Variants in ELMOD3 observed in about 807,000 individuals in gnomAD.
The protein encoded by ELMOD3 is ELMO domain-containing protein 3.
Under a neutral mutation model 47.4 loss-of-function variants are expected in ELMOD3, and 36 were observed. The observed-to-expected ratio is 0.76, with a 90% CI of 0.58 to 1.00. The LOEUF (loss-of-function observed/expected upper bound fraction) is 1.00. Ranked by LOEUF, ELMOD3 falls within the 50% of genes least tolerant of loss-of-function variation. The probability of loss-of-function intolerance (pLI) is 0.00; values close to 1 mark genes in which losing one functional copy is unlikely to be tolerated. For missense variants in ELMOD3, 404 were observed against 463.8 expected (o/e 0.87, Z 1.18); for synonymous variants, 149 against 183.5 (o/e 0.81, Z 1.52).
chr2:85,373,232 CACA>C (rs142206857), intron 10 of ELMOD3, among the ~76,000 whole-genome samples: 3,604 of 152,010 alleles, frequency 0.024, 143 homozygotes, highest in African/African-American at 0.082. Context: ...GCCTGAGTGA[CACA>C]ACAAGACTCT....
chr2:85,387,369 C>T (rs1401961888), intron 11 of ELMOD3: 2 of 472,172 alleles, frequency 4.2e-6, no homozygotes, highest in Non-Finnish European at 5.7e-6. Flanking sequence ...TTGACAAAAT[C>T]TGTCTCATAA....
At chr2:85,374,706 G>A (rs1685047172) in intron 10 of ELMOD3, among the ~76,000 whole-genome samples, 1 of 152,188 alleles carries the variant, frequency 6.6e-6, no homozygotes, top group South Asian at 2.1e-4. Context: ...CAGCTACTGG[G>A]GAGGCTGAGG....
chr2:85,358,987 A>G (rs577312374), intron 4 of ELMOD3, among the ~76,000 whole-genome samples: 1 of 152,342 alleles, frequency 6.6e-6, no homozygotes, highest in African/African-American at 2.4e-5. Context: ...TTTTCACTTA[A>G]TACATCACGG....
intron 10 of ELMOD3, 82 bp downstream of exon 10, chr2:85,371,644 G>A (rs780541317): frequency 1.9e-6 from 3 of 1,568,228 alleles, no homozygotes; most frequent in Non-Finnish European, 2.6e-6. Context: ...TTCTCTTCCA[G>A]TGCTATGAGG....
intron 4 of ELMOD3, among the ~76,000 whole-genome samples, chr2:85,358,850 G>A (rs1434697185): frequency 6.6e-6 from 1 of 152,170 alleles, no homozygotes; most frequent in Non-Finnish European, 1.5e-5. Context: ...CAGTTTTTCT[G>A]CTGGAGACAA....
intron 6 of ELMOD3, among the ~76,000 whole-genome samples, chr2:85,364,944 GA>G (rs1206811198): frequency 1.4e-5 from 2 of 147,432 alleles, no homozygotes; most frequent in East Asian, 2.0e-4. Flanking sequence ...CTCCAGCTGG[GA>G]CTACAGGTGT....
At chr2:85,368,377 A>C in intron 6 of ELMOD3, 1 of 362,104 alleles carries the variant, frequency 2.8e-6, no homozygotes. Flanking sequence ...GTAGTGTGCC[A>C]TGCTGATCAT....
At chr2:85,362,286 C>G (rs916432656) in intron 5 of ELMOD3, 26 bp downstream of exon 5, 1 of 1,378,078 alleles carries the variant, frequency 7.3e-7, no homozygotes, top group Non-Finnish European at 1.0e-6. Context: ...AACTTGGTAC[C>G]TTCTGCCAGG....
chr2:85,375,276 T>C (rs369132349), intron 10 of ELMOD3, among the ~76,000 whole-genome samples: 67 of 152,342 alleles, frequency 4.4e-4, no homozygotes, highest in African/African-American at 1.3e-3. Context: ...CTCCACACTT[T>C]GTCCTCTCTT....
At chr2:85,385,264 A>C (rs1002544576) in intron 11 of ELMOD3, among the ~76,000 whole-genome samples, 1 of 152,234 alleles carries the variant, frequency 6.6e-6, no homozygotes, top group Non-Finnish European at 1.5e-5. Context: ...AGTTTCACTC[A>C]TGTCTGTATG....
intron 8 of ELMOD3, among the ~76,000 whole-genome samples, chr2:85,370,490 TC>T (rs1684716603): frequency 6.6e-6 from 1 of 152,032 alleles, no homozygotes; most frequent in Admixed American, 6.6e-5. Flanking sequence ...AAATGTGATT[TC>T]AGGTCTTCTA....
intron 10 of ELMOD3, among the ~76,000 whole-genome samples, chr2:85,373,735 A>G (rs1448532028): frequency 6.6e-6 from 1 of 151,618 alleles, no homozygotes; most frequent in East Asian, 1.9e-4. Context: ...GCTACGTGGG[A>G]GGCTGAGGCA....
intron 11 of ELMOD3, among the ~76,000 whole-genome samples, chr2:85,381,746 C>A (rs1685551533): frequency 6.6e-6 from 1 of 152,128 alleles, no homozygotes; most frequent in Admixed American, 6.5e-5. Flanking sequence ...AATTTCTGGC[C>A]CCGTGTCTTA....
intron 6 of ELMOD3, among the ~76,000 whole-genome samples, chr2:85,364,244 G>C (rs569973346): frequency 6.6e-6 from 1 of 151,240 alleles, no homozygotes; most frequent in Admixed American, 6.6e-5. Flanking sequence ...TCCCACCTCA[G>C]CCTCCTGAGT....
intron 6 of ELMOD3, chr2:85,368,370 G>A (rs938088754): frequency 3.2e-6 from 1 of 314,818 alleles, no homozygotes; most frequent in Admixed American, 4.3e-5. Context: ...CTGGGCTGTA[G>A]TGTGCCATGC....
intron 11 of ELMOD3, 143 bp downstream of exon 11, chr2:85,377,617 C>T: frequency 1.2e-6 from 1 of 802,256 alleles, no homozygotes. Context: ...ATGAGCTGTA[C>T]CGCTCATTAG....
intron 6 of ELMOD3, among the ~76,000 whole-genome samples, chr2:85,366,940 C>G (rs2104551902): frequency 6.6e-6 from 1 of 152,302 alleles, no homozygotes. Flanking sequence ...TTGATGTCCT[C>G]TGTAGCAAAC....
intron 13 of ELMOD3, chr2:85,390,508 G>A: frequency 6.2e-7 from 1 of 1,600,398 alleles, no homozygotes; most frequent in Non-Finnish European, 8.5e-7. Flanking sequence ...ATCAAAAATT[G>A]GGAGCCAGGG....
At position 85,390,803 on chromosome 2, in the gene ELMOD3, G is replaced by T. The variant is rs1185127576; in HGVS notation, c.987G>T (p.Lys329Asn). 4 of 1,551,486 alleles carry T rather than the reference G, an allele frequency of 2.6e-6. No individual in the cohort carries two copies. The African/African-American group carries it at 4.1e-5, about 16-fold the overall frequency. The change falls in exon 14 of 14, where the codon AAG becomes AAT. Residue 329 changes from lysine to asparagine, a missense_variant. Transcript: ENST00000409013. ...LAKKSPRRLLKTLELYLARVS... is the reference protein window; with the variant it reads ...LAKKSPRRLLNTLELYLARVS... ...AGAAGAGCCCACGGCGGCTGCTCAAGACCCTGGAGCTGTACTTGGCCAGGG... is the reference window on the plus strand; with the variant it reads ...AGAAGAGCCCACGGCGGCTGCTCAATACCCTGGAGCTGTACTTGGCCAGGG...
Sources: gnomAD v4.1 joint callset for allele counts (sites outside exome capture counted in the v4.1 genomes callset) on GRCh38, gnomAD v4.1.1 for gene constraint, MANE v1.5 for transcripts, NCBI Gene and HGNC (gene_info 2026-07-23, HGNC 2026-07-21) for gene names.